The following NME2 variants were observed in gnomAD, a reference collection of about 807,000 sequenced individuals.
NME2 encodes the protein NME/NM23 nucleoside diphosphate kinase 2.
A neutral mutation model predicts 17.8 loss-of-function variants in NME2; 18 were observed. The observed-to-expected ratio is 1.01, with a 90% CI of 0.70 to 1.50. The LOEUF (loss-of-function observed/expected upper bound fraction) is 1.50, where lower values mean the gene tolerates loss of function less well. Among genes scored for constraint, NME2 ranks in the 40% most tolerant of loss-of-function variants. NME2 has a pLI of 0.00. For synonymous variants in NME2, 74 were observed against 71.4 expected (o/e 1.04, Z -0.19); for missense variants, 161 against 195.6 (o/e 0.82, Z 1.05).
chr17:51,167,174 C>A lies in NME2; in HGVS notation c.126+218C>A, dbSNP rs1237205040. 8 of 1,064,050 alleles carry A rather than the reference C, an allele frequency of 7.5e-6. No homozygotes were observed. The East Asian group carries it at 2.7e-4, about 36-fold the overall frequency. The allele number at this position is 1,064,050 out of a possible 1,614,324, so 65.9% of individuals were successfully genotyped here. ...AAGGTGAAGCGCTGGTAGCGTGACT[C>A]GCCCTCCGGGTTTGGGTTCCTTCCC... On this transcript the variant is annotated intron_variant, in intron 2 of 4. Transcript: ENST00000512737.
intron 3 of NME2, 50 bp from the exon 4 acceptor site, chr17:51,169,887 C>T: frequency 1.3e-6 from 2 of 1,566,204 alleles, no homozygotes. Flanking sequence ...TTAGACCCTA[C>T]CTGTCCTGAG....
chr17:51,170,771 G>C (rs1019322120), intron 4 of NME2, among the ~76,000 whole-genome samples: 5 of 90,832 alleles, frequency 5.5e-5, no homozygotes, highest in East Asian at 3.1e-4. Context: ...TGGGCAACAA[G>C]AACAAAACTC....
Position 51,166,942 on chromosome 17 carries a change from A to G in NME2, c.112A>G (p.Met38Val), listed in dbSNP as rs748737090. The change falls in exon 2 of 5, where the codon ATG becomes GTG. Residue 38 changes from methionine to valine, a missense_variant. Met to Val is a conservative substitution (Grantham distance 21). Coordinates refer to ENST00000512737, the MANE Select transcript of NME2 (RefSeq NM_002512.4). ...GCAGAAGGGATTCCGCCTCGTGGCCATGAAGTTCCTCCGGGTAACTCGCCC... is the reference window on the plus strand; with the variant it reads ...GCAGAAGGGATTCCGCCTCGTGGCCGTGAAGTTCCTCCGGGTAACTCGCCC... ...FEQKGFRLVA[M>V]KFLRASEEHL... is the part of the protein sequence containing the mutation. The G allele has an allele frequency of 2.5e-6, 4 of 1,613,458 alleles. No homozygotes were observed. The African/African-American group carries it at 4.0e-5, about 16-fold the overall frequency.
chr17:51,170,752 A>C (rs1220309063), intron 4 of NME2, among the ~76,000 whole-genome samples: 1 of 146,658 alleles, frequency 6.8e-6, no homozygotes, highest in East Asian at 2.0e-4. Context: ...ACGCCACTGC[A>C]CTCCAGCCTG....
At position 51,166,442 on chromosome 17, in the gene NME2, C is replaced by T. The variant is rs2049937714; in HGVS notation, c.-60C>T. 2 of 156,018 alleles carry T rather than the reference C, an allele frequency of 1.3e-5. No homozygotes were observed. Among genetic ancestry groups the T allele is most frequent in the South Asian group, 2.0e-4 (1 of 4,952 alleles). The allele number at this position is 156,018 out of a possible 1,614,324, so 9.7% of individuals were successfully genotyped here. ...CGCCGGCTCCCGGGTGTGGTGGTCG[C>T]ACCAGCTCTCTGCTCTCCCAGCGCA... On this transcript the variant is annotated 5_prime_UTR_variant, in exon 1 of 5. Coordinates refer to ENST00000512737, the MANE Select transcript of NME2 (RefSeq NM_002512.4).
chr17:51,170,082 T>C, intron 4 of NME2, 33 bp downstream of exon 4: 2 of 1,529,152 alleles, frequency 1.3e-6, no homozygotes, highest in Non-Finnish European at 1.8e-6. Flanking sequence ...GGATGACTTT[T>C]ATGCAACACC....
intron 4 of NME2, 27 bp downstream of exon 4, chr17:51,170,076 G>T: frequency 6.4e-7 from 1 of 1,569,048 alleles, no homozygotes. Flanking sequence ...GAGGGTGGAT[G>T]ACTTTTATGC....
Position 51,169,576 on chromosome 17 carries a change from T to C in NME2, c.229-361T>C, listed in dbSNP as rs116370650. 3.5e-3 allele frequency: 629 copies of C among 182,232 alleles called. 7 individuals are homozygous for C. The highest frequency in any genetic ancestry group is 0.014 in the African/African-American group (584 of 42,012). 11.3% of individuals were successfully genotyped at this position (182,232 alleles called of 1,614,324 possible). A position where few individuals can be genotyped will look rare whatever the true frequency, so the allele number is the denominator to read the frequency against. ...ATCCTTACCCTAGCATGTTAGTCTT[T>C]CTTTTCCCTCTTCTAGCAGTCTTCT... On this transcript the variant is annotated intron_variant, in intron 3 of 4. Transcript: ENST00000512737.
intron 2 of NME2, 58 bp from the exon 3 acceptor site, chr17:51,168,181 AGAG>A (rs1326870962): frequency 5.7e-6 from 9 of 1,565,396 alleles, no homozygotes; most frequent in Non-Finnish European, 7.9e-6. Flanking sequence ...TGGGAGGTTC[AGAG>A]GATGGGTTGG....
At position 51,167,016 on chromosome 17, in the gene NME2, C is replaced by A. The variant is rs539702140; in HGVS notation, c.126+60C>A. ...CCGGCTCGCGGGTGTTTTTCCCTCC[C>A]GGCGGCGGTTTGTCCGCGTCTGCTT... On this transcript the variant is annotated intron_variant, in intron 2 of 4. Transcript: ENST00000512737. 4.9e-4 allele frequency: 783 copies of A among 1,608,748 alleles called. 2 individuals are homozygous for A. The highest frequency in any genetic ancestry group is 6.4e-4 in the Non-Finnish European group (750 of 1,177,478).
rs1477596086 is a variant in NME2, at chr17:51,171,508, T to C, written c.363T>C (p.Asp121=). ...QVGRNIIHGS[D]SVKSAEKEIS... Reference sequence around the variant, plus strand: ...TTAGGAACATCATTCATGGCAGTGATTCAGTAAAAAGTGCTGAAAAAGAAA... The same window carrying C: ...TTAGGAACATCATTCATGGCAGTGACTCAGTAAAAAGTGCTGAAAAAGAAA... The change falls in exon 5 of 5, where the codon GAT becomes GAC. Residue 121 remains aspartate (D), a synonymous_variant. Coordinates refer to ENST00000512737, the MANE Select transcript of NME2 (RefSeq NM_002512.4). The C allele has an allele frequency of 1.9e-6, 3 of 1,613,532 alleles. No homozygotes were observed. The highest frequency in any genetic ancestry group is 2.7e-5 in the African/African-American group (2 of 74,894).
chr17:51,167,045 G>T (rs1247413037), intron 2 of NME2, 89 bp downstream of exon 2: 12 of 1,604,128 alleles, frequency 7.5e-6, no homozygotes, highest in Middle Eastern at 1.7e-4. Flanking sequence ...TCTGCTTTCC[G>T]AGTTCATTTC....
chr17:51,168,962 A>G lies in NME2; in HGVS notation c.228+619A>G, dbSNP rs559876672. Among the ~76,000 whole-genome samples the G allele has an allele frequency of 2.6e-5, 4 of 152,016 alleles. No individual in the cohort carries two copies. The East Asian group carries it at 5.8e-4, about 22-fold the overall frequency. ...TGGGCGACAGCAAGACTCCATCTCA[A>G]AAAAAAATAATACTCAATTTCTTCT... On this transcript the variant is annotated intron_variant, in intron 3 of 4. Coordinates refer to ENST00000512737, the MANE Select transcript of NME2 (RefSeq NM_002512.4).
chr17:51,171,721 C>A lies in NME2; in HGVS notation c.*117C>A. On this transcript the variant is annotated 3_prime_UTR_variant, in exon 5 of 5. Coordinates refer to ENST00000512737, the MANE Select transcript of NME2 (RefSeq NM_002512.4). ...ATCATTCTTTTATAGAGCATATTTGCCAATAAAGCTTTTGGAAGCCGGACA... is the reference window on the plus strand; with the variant it reads ...ATCATTCTTTTATAGAGCATATTTGACAATAAAGCTTTTGGAAGCCGGACA... The A allele has an allele frequency of 1.3e-6, 1 of 760,568 alleles. No homozygotes were observed. Among genetic ancestry groups the A allele is most frequent in the Non-Finnish European group, 2.2e-6 (1 of 463,170 alleles). The allele number at this position is 760,568 out of a possible 1,614,324, so 47.1% of individuals were successfully genotyped here. A position where few individuals can be genotyped will look rare whatever the true frequency, so the allele number is the denominator to read the frequency against.
chr17:51,170,302 C>T (rs1242335406), intron 4 of NME2, among the ~76,000 whole-genome samples: 2 of 151,482 alleles, frequency 1.3e-5, no homozygotes, highest in East Asian at 2.0e-4. Context: ...CTGCCACGCC[C>T]GGCTAATTTT....
chr17:51,171,403 T>C, intron 4 of NME2, 84 bp from the exon 5 acceptor site: 3 of 1,164,622 alleles, frequency 2.6e-6, no homozygotes, highest in Non-Finnish European at 3.7e-6. Flanking sequence ...GCTGAAAGAG[T>C]CTGGAGTGCT....
chr17:51,166,965 C>A lies in NME2; in HGVS notation c.126+9C>A. 1 of 1,612,650 alleles carries A rather than the reference C, an allele frequency of 6.2e-7. No homozygotes were observed. The highest frequency in any genetic ancestry group is 1.1e-5 in the South Asian group (1 of 91,042). On this transcript the variant is annotated intron_variant, in intron 2 of 4. Coordinates refer to ENST00000512737, the MANE Select transcript of NME2 (RefSeq NM_002512.4). ...CCATGAAGTTCCTCCGGGTAACTCG[C>A]CCCCGTCTCCCCTTCCCCGCTGCAG...
chr17:51,167,128 G>A, intron 2 of NME2, 172 bp downstream of exon 2: 1 of 1,412,344 alleles, frequency 7.1e-7, no homozygotes, highest in Non-Finnish European at 9.4e-7. Context: ...TCCCGGGGTG[G>A]TGGGGACAGA....
At chr17:51,167,196 TC>T in intron 2 of NME2, 2 of 856,284 alleles carry the variant, frequency 2.3e-6, no homozygotes, top group Non-Finnish European at 3.3e-6. Flanking sequence ...TTGGGTTCCT[TC>T]CCGCGGGCCG....
Sources: gnomAD v4.1 joint callset for allele counts (sites outside exome capture counted in the v4.1 genomes callset) on GRCh38, gnomAD v4.1.1 for gene constraint, MANE v1.5 for transcripts, NCBI Gene and HGNC (gene_info 2026-07-23, HGNC 2026-07-21) for gene names.